HINT2: variants seen among roughly 807,000 people sequenced by gnomAD.
HINT2 encodes adenosine 5'-monophosphoramidase HINT2.
A neutral mutation model predicts 20.0 loss-of-function variants in HINT2; 17 were observed. The observed-to-expected ratio is 0.85, with a 90% CI of 0.58 to 1.27. HINT2 has a LOEUF of 1.27. Ranked by LOEUF, HINT2 falls within the 50% of genes most tolerant of loss-of-function variation. The probability of loss-of-function intolerance (pLI) is 0.00; values close to 1 mark genes in which losing one functional copy is unlikely to be tolerated. For synonymous variants in HINT2, 96 were observed against 84.2 expected (o/e 1.14, Z -0.77); for missense variants, 217 against 211.9 (o/e 1.02, Z -0.15).
intron 1 of HINT2, chr9:35,814,092 A>G (rs74411323): frequency 6.8e-6 from 2 of 293,116 alleles, no homozygotes; most frequent in African/African-American, 2.2e-5. Context: ...CTACCTTACC[A>G]TACCACTGAA....
Position 35,814,951 on chromosome 9 carries a change from C to A in HINT2, c.29G>T (p.Gly10Val). The part of the protein sequence containing the change: MAAAVVLAA[G>V]LRAARRAVAA... ...CACGGCTCTGCGCGCCGCGCGCAACCCAGCAGCCAGCACCACGGCTGCCGC... is the reference window on the plus strand; with the variant it reads ...CACGGCTCTGCGCGCCGCGCGCAACACAGCAGCCAGCACCACGGCTGCCGC... The change falls in exon 1 of 5, where the codon GGG (glycine) becomes GTG (valine). Residue 10 changes from glycine (G) to valine (V), a missense_variant. By Grantham distance (109) the Gly-to-Val change is moderately radical. Transcript: ENST00000259667. The A allele has an allele frequency of 6.7e-7, 1 of 1,482,288 alleles. No homozygotes were observed. The highest frequency in any genetic ancestry group is 8.9e-7 in the Non-Finnish European group (1 of 1,123,888). 91.8% of individuals were successfully genotyped at this position (1,482,288 alleles called of 1,614,324 possible).
At chr9:35,815,316 A>C (rs1266052267), upstream of HINT2, 6 of 235,224 alleles carry the variant, frequency 2.6e-5, no homozygotes, top group Middle Eastern at 1.3e-3. Flanking sequence ...GGATTAATGG[A>C]GCCTGGAGGT....
rs1262132659 is a variant in HINT2 at position 35,813,726 on chromosome 9, G to C, written c.140C>G (p.Thr47Ser). Residue 47 changes from threonine (T) to serine (S), a missense_variant, in exon 2 of 5, where the codon ACT (threonine) becomes AGT (serine). By Grantham distance (58) the Thr-to-Ser change is moderately conservative. Transcript: ENST00000259667. ...GNEVAKAQQA[T>S]PGGAAPTIFS... ...GATGGTTGGGGCTGCTCCCCCAGGA[G>C]TTGCCTGCTGGGCCTTGGCCACTTC... 1.2e-6 allele frequency: 2 copies of C among 1,614,172 alleles called. No individual in the cohort carries two copies. Among genetic ancestry groups the C allele is most frequent in the East Asian group, 4.5e-5 (2 of 44,880 alleles).
chr9:35,812,977 T>C lies in HINT2; in HGVS notation c.*77A>G. Reference sequence around the variant, plus strand: ...GAGCATAATTAAGGGAGAACAGTTTTATTAGCATCACAGGGTCCATTTTTC... The same window carrying C: ...GAGCATAATTAAGGGAGAACAGTTTCATTAGCATCACAGGGTCCATTTTTC... On this transcript the variant is annotated 3_prime_UTR_variant, in exon 5 of 5. Transcript: ENST00000259667. 1 of 1,101,284 alleles carries C rather than the reference T, an allele frequency of 9.1e-7. No individual in the cohort carries two copies. Among genetic ancestry groups the C allele is most frequent in the Non-Finnish European group, 1.4e-6 (1 of 713,154 alleles). 68.2% of individuals were successfully genotyped at this position (1,101,284 alleles called of 1,614,324 possible).
chr9:35,813,946 G>A (rs2132125744), intron 1 of HINT2, 162 bp from the exon 2 acceptor site: 2 of 720,174 alleles, frequency 2.8e-6, no homozygotes, highest in Non-Finnish European at 4.5e-6. Flanking sequence ...AGAAGGTGCT[G>A]GACCTGGTTA....
rs1326959607 is a variant in HINT2 at position 35,814,725 on chromosome 9, C to A, written c.81+174G>T. On this transcript the variant is annotated intron_variant, in intron 1 of 4. Transcript: ENST00000259667. Reference sequence around the variant, plus strand: ...CGCAGGGCGGGAATCAGCACCAGCTCGTTCTCCGGAGCCACCAGTTCGACC... The same window carrying A: ...CGCAGGGCGGGAATCAGCACCAGCTAGTTCTCCGGAGCCACCAGTTCGACC... 11 of 571,828 alleles carry A rather than the reference C, an allele frequency of 1.9e-5. No individual in the cohort carries two copies. The South Asian group carries it at 2.8e-4, about 15-fold the overall frequency. The allele number at this position is 571,828 out of a possible 1,614,324, so 35.4% of individuals were successfully genotyped here.
Position 35,813,318 on chromosome 9 carries a change from AAGG to A in HINT2, c.345_347del (p.Leu116del), listed in dbSNP as rs760681445. On this transcript the variant is annotated inframe_deletion, in exon 4 of 5. Transcript: ENST00000259667. ...CAGCCTTTGCTGTCTGCTTGGCCAC[AAGG>A]AGTAGGTGTCCTAGAAGCTATAGAG... The A allele has an allele frequency of 6.2e-7, 1 of 1,614,080 alleles. No homozygotes were observed. Among genetic ancestry groups the A allele is most frequent in the African/African-American group, 1.3e-5 (1 of 75,014 alleles).
At chr9:35,814,167 C>T (rs1828952234) in intron 1 of HINT2, 1 of 182,908 alleles carries the variant, frequency 5.5e-6, no homozygotes, top group African/African-American at 2.4e-5. Flanking sequence ...TCCATAATCT[C>T]TTGCGATGGC....
At chr9:35,813,857 C>T in intron 1 of HINT2, 73 bp from the exon 2 acceptor site, 2 of 1,496,992 alleles carry the variant, frequency 1.3e-6, no homozygotes, top group Non-Finnish European at 1.8e-6. Flanking sequence ...TAATTTCGTC[C>T]TTCTAATAAC....
rs376617682 is a variant in HINT2, at chr9:35,813,486, G to T, written c.286C>A (p.Pro96Thr). 1.2e-5 allele frequency: 20 copies of T among 1,614,004 alleles called. No homozygotes were observed. The highest frequency in any genetic ancestry group is 1.7e-5 in the Non-Finnish European group (20 of 1,180,042). ...TCAGCCTGGCTAATCCGAGGAATGG[G>T]CTTCTTAGGAATGACCAGGAAGTGC... ...PVHFLVIPKK[P>T]IPRISQAEEE... Residue 96 changes from proline (P) to threonine (T), a missense_variant, in exon 3 of 5, where the codon CCC becomes ACC. Coordinates refer to ENST00000259667, the MANE Select transcript of HINT2 (RefSeq NM_032593.3).
At chr9:35,813,868 C>T in intron 1 of HINT2, 84 bp from the exon 2 acceptor site, 1 of 1,446,282 alleles carries the variant, frequency 6.9e-7, no homozygotes, top group Middle Eastern at 2.5e-4. Flanking sequence ...TTCTAATAAC[C>T]TATTCATCGT....
rs764406010 is a variant in HINT2 at position 35,813,562 on chromosome 9, ACAGGC to A, written c.223-18_223-14del. The A allele has an allele frequency of 1.2e-6, 2 of 1,614,190 alleles. No individual in the cohort carries two copies. Among genetic ancestry groups the A allele is most frequent in the South Asian group, 2.2e-5 (2 of 91,082 alleles). On this transcript the variant is annotated splice_polypyrimidine_tract_variant and intron_variant, in intron 2 of 4. Transcript: ENST00000259667. ...GGAACACAAGACACTGGGGGAAGTGACAGGCCAGAGGCCACGTTACTTCAACAGGT... is the reference window on the plus strand; with the variant it reads ...GGAACACAAGACACTGGGGGAAGTGACAGAGGCCACGTTACTTCAACAGGT...
At position 35,814,938 on chromosome 9, in the gene HINT2, C is replaced by T; in HGVS notation, c.42G>A (p.Ala14=). Residue 14 remains alanine (A), a synonymous_variant, in exon 1 of 5, where the codon GCG becomes GCA. Transcript: ENST00000259667. ...AVVLAAGLRA[A]RRAVAATGVR... is the part of the protein sequence containing the mutation. Reference sequence around the variant, plus strand: ...CCCCCGTGGCCGCCACGGCTCTGCGCGCCGCGCGCAACCCAGCAGCCAGCA... The same window carrying T: ...CCCCCGTGGCCGCCACGGCTCTGCGTGCCGCGCGCAACCCAGCAGCCAGCA... 6.7e-7 allele frequency: 1 copy of T among 1,486,016 alleles called. No homozygotes were observed. Among genetic ancestry groups the T allele is most frequent in the Non-Finnish European group, 8.9e-7 (1 of 1,125,652 alleles). 92.1% of individuals were successfully genotyped at this position (1,486,016 alleles called of 1,614,324 possible).
chr9:35,814,954 G>A lies in HINT2; in HGVS notation c.26C>T (p.Ala9Val). 1 of 1,482,174 alleles carries A rather than the reference G, an allele frequency of 6.7e-7. No individual in the cohort carries two copies. Among genetic ancestry groups the A allele is most frequent in the Admixed American group, 2.4e-5 (1 of 42,484 alleles). 91.8% of individuals were successfully genotyped at this position (1,482,174 alleles called of 1,614,324 possible). Residue 9 changes from alanine to valine, a missense_variant, in exon 1 of 5, where the codon GCT (alanine) becomes GTT (valine). Ala to Val is a moderately conservative substitution (Grantham distance 64). Transcript: ENST00000259667. MAAAVVLAAGLRAARRAVA... is the reference protein window; with the variant it reads MAAAVVLAVGLRAARRAVA... ...GGCTCTGCGCGCCGCGCGCAACCCAGCAGCCAGCACCACGGCTGCCGCCAT... is the reference window on the plus strand; with the variant it reads ...GGCTCTGCGCGCCGCGCGCAACCCAACAGCCAGCACCACGGCTGCCGCCAT...
intron 1 of HINT2, 183 bp from the exon 2 acceptor site, chr9:35,813,967 G>A (rs1003512502): frequency 9.6e-6 from 6 of 625,254 alleles, no homozygotes; most frequent in South Asian, 4.0e-5. Flanking sequence ...GATAACAGGC[G>A]GTATTATTAT....
Position 35,813,800 on chromosome 9 carries a change from C to G in HINT2, c.82-16G>C. ...CTCCTCGGACCTGAAGGTGGATCGA[C>G]CATATTCAAAGGAGGGAGCTGGCAG... On this transcript the variant is annotated splice_polypyrimidine_tract_variant and intron_variant, in intron 1 of 4. Transcript: ENST00000259667. The G allele has an allele frequency of 6.2e-7, 1 of 1,603,642 alleles. No individual in the cohort carries two copies. Among genetic ancestry groups the G allele is most frequent in the Non-Finnish European group, 8.5e-7 (1 of 1,173,498 alleles).
chr9:35,813,880 C>A, intron 1 of HINT2, 96 bp from the exon 2 acceptor site: 1 of 1,377,716 alleles, frequency 7.3e-7, no homozygotes, highest in Admixed American at 2.3e-5. Flanking sequence ...ATTCATCGTT[C>A]CCACCCAGGA....
rs1279787196 is a variant in HINT2, at chr9:35,813,515, G to C, written c.257C>G (p.Pro86Arg). ...CTTAGGAATGACCAGGAAGTGCACA[G>C]GAGCCTGAGGGGCCACATCACGGAA... ...LVFRDVAPQA[P>R]VHFLVIPKKP... is the part of the protein sequence containing the mutation. The change falls in exon 3 of 5, where the codon CCT becomes CGT. Residue 86 changes from proline (P) to arginine (R), a missense_variant. By Grantham distance (103) the Pro-to-Arg change is moderately radical. Coordinates refer to ENST00000259667, the MANE Select transcript of HINT2 (RefSeq NM_032593.3). 1.9e-6 allele frequency: 3 copies of C among 1,614,088 alleles called. No homozygotes were observed. Among genetic ancestry groups the C allele is most frequent in the Admixed American group, 1.7e-5 (1 of 60,012 alleles).
At chr9:35,815,137 C>CCTG, upstream of HINT2, 1 of 587,800 alleles carries the variant, frequency 1.7e-6, no homozygotes. Context: ...ACCCCATTGC[C>CCTG]TCTGCAGCCA....
Sources: allele counts gnomAD v4.1 joint callset, GRCh38; gene constraint gnomAD v4.1.1; transcripts MANE v1.5; gene names NCBI Gene and HGNC (gene_info 2026-07-23, HGNC 2026-07-21).